MID1: variants seen among roughly 807,000 people sequenced by gnomAD.
MID1 encodes the protein midline 1, also known as E3 ubiquitin-protein ligase Midline-1.
A neutral mutation model predicts 40.4 loss-of-function variants in MID1; 7 were observed. The ratio of observed to expected loss-of-function variants is 0.17; its 90% confidence interval spans 0.10 to 0.33. The LOEUF (loss-of-function observed/expected upper bound fraction) is 0.33, where lower values mean the gene tolerates loss of function less well. MID1 is among the 10% of genes least tolerant of loss of function. The pLI is 1.00. For missense variants in MID1, 367 were observed against 558.5 expected (o/e 0.66, Z 3.46); for synonymous variants, 229 against 221.2 (o/e 1.04, Z -0.31).
At chrX:10,704,727 T>TACACACAC (rs1215958397) in intron 1 of MID1, among the ~76,000 whole-genome samples, 3 of 84,063 alleles carry the variant, frequency 3.6e-5, no homozygotes, top group African/African-American at 1.6e-4. Flanking sequence ...TATATATATA[T>TACACACAC]ATATATATAT....
intron 1 of MID1, among the ~76,000 whole-genome samples, chrX:10,752,380 T>C (rs1291238204): frequency 1.8e-5 from 2 of 112,213 alleles, no homozygotes; most frequent in African/African-American, 3.2e-5. Context: ...CTTCGAATCC[T>C]ACTCAATTCT....
rs746064030 is a variant in MID1 at position 10,752,162 on chromosome X, T to C, written c.-187+81392A>G. ...AATTACCTAGTCTCAGGTATTCCTT[T>C]AGAGCAATGCAAACAGACTAACATG... On this transcript the variant is annotated intron_variant, in intron 1 of 10. Coordinates refer to the MID1 transcript ENST00000380785. Among the ~76,000 whole-genome samples, 9 of 111,812 alleles carry C rather than the reference T, an allele frequency of 8.0e-5. No individual in the cohort carries two copies. The South Asian group carries it at 3.4e-3, about 42-fold the overall frequency.
At chrX:10,505,969 C>T (rs1450144421) in intron 3 of MID1, 33 of 754,137 alleles carry the variant, frequency 4.4e-5, no homozygotes, top group South Asian at 1.4e-4. Flanking sequence ...TTTGGTATTC[C>T]GTACAGTGAG....
chrX:10,655,832 T>G lies in MID1; in HGVS notation c.-186-35413A>C, dbSNP rs956749111. 3.6e-5 allele frequency among the ~76,000 whole-genome samples: 4 copies of G among 110,456 alleles called. No individual in the cohort carries two copies. In the Admixed American group the frequency reaches 3.9e-4, roughly 11 times the overall value. ...GTGGAGCAGCGATTGATCATGTAGATCATGTAGAAGCATCTCAGCTGGTGT... is the reference window on the plus strand; with the variant it reads ...GTGGAGCAGCGATTGATCATGTAGAGCATGTAGAAGCATCTCAGCTGGTGT... On this transcript the variant is annotated intron_variant, in intron 1 of 10. Transcript: ENST00000380785.
At chrX:10,453,947 A>C (rs1024330206) in intron 9 of MID1, among the ~76,000 whole-genome samples, 1 of 112,228 alleles carries the variant, frequency 8.9e-6, no homozygotes, top group Non-Finnish European at 1.9e-5. Context: ...TGACATCTGT[A>C]AAATGCTTAG....
In MID1 at chrX:10,667,785, C is replaced by A. The variant is rs760604116; in HGVS notation, c.-186-47366G>T. 2.7e-5 allele frequency among the ~76,000 whole-genome samples: 3 copies of A among 111,293 alleles called. No individual in the cohort carries two copies. In the South Asian group the frequency reaches 1.1e-3, roughly 43 times the overall value. ...CTTGTGAGCTTTTAGTTGTATCACC[C>A]AAAGAACTGGAACTCATCCGTGAAG... On this transcript the variant is annotated intron_variant, in intron 1 of 10. Coordinates refer to the MID1 transcript ENST00000380785.
intron 1 of MID1, among the ~76,000 whole-genome samples, chrX:10,674,338 C>A (rs974385557): frequency 8.9e-6 from 1 of 112,231 alleles, no homozygotes; most frequent in Non-Finnish European, 1.9e-5. Flanking sequence ...ACATTCGCAA[C>A]TGAACCACGG....
At chrX:10,609,021 T>A (rs377410326) in intron 1 of MID1, among the ~76,000 whole-genome samples, 1 of 112,094 alleles carries the variant, frequency 8.9e-6, no homozygotes, top group Non-Finnish European at 1.9e-5. Flanking sequence ...TAGTGATAAG[T>A]GATCATGTCC....
At chrX:10,720,522 G>A (rs1431191216) in intron 1 of MID1, among the ~76,000 whole-genome samples, 1 of 111,810 alleles carries the variant, frequency 8.9e-6, no homozygotes, top group Admixed American at 9.5e-5. Context: ...TAGTTAGAAT[G>A]GCGATCATTC....
chrX:10,550,610 TCACA>T (rs1251965408), intron 2 of MID1, among the ~76,000 whole-genome samples: 1 of 111,947 alleles, frequency 8.9e-6, no homozygotes, highest in Non-Finnish European at 1.9e-5. Context: ...GGTTTAGGGG[TCACA>T]CAAACAAGTA....
intron 1 of MID1, among the ~76,000 whole-genome samples, chrX:10,746,564 A>G (rs140444494): frequency 0.019 from 2,126 of 111,424 alleles, 50 homozygotes; most frequent in African/African-American, 0.064. Context: ...TGGTCTGTCA[A>G]ATTGCAGCCT....
At chrX:10,764,177 C>A (rs1017324545) in intron 1 of MID1, among the ~76,000 whole-genome samples, 17 of 111,702 alleles carry the variant, frequency 1.5e-4, no homozygotes, top group African/African-American at 5.6e-4. Flanking sequence ...TTAATAAGAT[C>A]CCATTTGTCA....
rs1935920412 is a variant in MID1 at position 10,620,582 on chromosome X, T to C, written c.-349A>G. 8.9e-6 allele frequency: 1 copy of C among 112,171 alleles called. No individual in the cohort carries two copies. Among genetic ancestry groups the C allele is most frequent in the South Asian group, 3.8e-4 (1 of 2,643 alleles). The allele number at this position is 112,171 out of a possible 1,213,427, so 9.2% of individuals were successfully genotyped here. A position where few individuals can be genotyped will look rare whatever the true frequency, so the allele number is the denominator to read the frequency against. The stretch of plus-strand genomic sequence containing the variant: ...CGCCTGGCTCTTATTTCAAATCAGT[T>C]CTCAGAGACGTTGTAGGTGGCTGGC... On this transcript the variant is annotated 5_prime_UTR_variant, in exon 1 of 10. Coordinates refer to ENST00000317552, the MANE Select transcript of MID1 (RefSeq NM_000381.4).
rs1265508155 is a variant in MID1, at chrX:10,828,267, T to C, written c.-187+5287A>G. 5.4e-5 allele frequency among the ~76,000 whole-genome samples: 6 copies of C among 111,571 alleles called. No homozygotes were observed. The Admixed American group carries it at 5.7e-4, about 11-fold the overall frequency. On this transcript the variant is annotated intron_variant, in intron 1 of 10. Transcript: ENST00000380785. Reference sequence around the variant, plus strand: ...AAGAGTGAACTCTTGCCAAGATATGTTAGCGCATGGGATACATTCTCTCCA... The same window carrying C: ...AAGAGTGAACTCTTGCCAAGATATGCTAGCGCATGGGATACATTCTCTCCA...
At chrX:10,704,765 C>G (rs5934926) in intron 1 of MID1, among the ~76,000 whole-genome samples, 306 of 91,597 alleles carry the variant, frequency 3.3e-3, no homozygotes, top group African/African-American at 7.1e-3. Flanking sequence ...CACACACACA[C>G]AGAGAGAGAG....
At chrX:10,600,174 A>G (rs1000032110) in intron 1 of MID1, among the ~76,000 whole-genome samples, 1 of 111,048 alleles carries the variant, frequency 9.0e-6, no homozygotes, top group Non-Finnish European at 1.9e-5. Context: ...GTTAAAGAGT[A>G]AAATTTAGCT....
At chrX:10,554,433 G>A (rs570024036) in intron 2 of MID1, among the ~76,000 whole-genome samples, 3 of 111,976 alleles carry the variant, frequency 2.7e-5, no homozygotes, top group Non-Finnish European at 5.6e-5. Context: ...CCTGACCTAC[G>A]AGGCAGTTTT....
At chrX:10,716,542 T>A (rs762995648) in intron 1 of MID1, among the ~76,000 whole-genome samples, 1,143 of 111,880 alleles carry the variant, frequency 0.01, 22 homozygotes, top group African/African-American at 0.036. Flanking sequence ...CATGGGACTA[T>A]GTGAAAAGAC....
chrX:10,506,460 C>T (rs1406699401), intron 3 of MID1: 1 of 570,472 alleles, frequency 1.8e-6, no homozygotes, highest in African/African-American at 2.3e-5. Context: ...TTGGGCAACT[C>T]TGGGAAACAG....
Sources: gnomAD v4.1 joint callset for allele counts (sites outside exome capture counted in the v4.1 genomes callset) on GRCh38, gnomAD v4.1.1 for gene constraint, MANE v1.5 for transcripts, NCBI Gene and HGNC (gene_info 2026-07-23, HGNC 2026-07-21) for gene names.